The following PRKCI variants were observed in gnomAD, a reference collection of about 807,000 sequenced individuals.
PRKCI encodes the protein protein kinase C iota.
A neutral mutation model predicts 84.0 loss-of-function variants in PRKCI; 43 were observed. The ratio of observed to expected loss-of-function variants is 0.51; its 90% CI spans 0.40 to 0.66. The LOEUF (loss-of-function observed/expected upper bound fraction) is 0.66. PRKCI is among the 30% of genes least tolerant of loss of function. The pLI is 0.00. For missense variants in PRKCI, 459 were observed against 745.6 expected (o/e 0.62, Z 4.48); for synonymous variants, 216 against 234.4 (o/e 0.92, Z 0.72).
chr3:170,255,352 G>A (rs911544469), intron 2 of PRKCI, among the ~76,000 whole-genome samples: 3 of 151,942 alleles, frequency 2.0e-5, no homozygotes, highest in East Asian at 1.9e-4. Flanking sequence ...GAGCCACCGC[G>A]CCTGGCTGAG....
chr3:170,302,767 T>C (rs1337851378), intron 17 of PRKCI, among the ~76,000 whole-genome samples: 1 of 152,220 alleles, frequency 6.6e-6, no homozygotes. Context: ...TAAGATTAAC[T>C]GGAATGGTGA....
chr3:170,226,383 A>G (rs978277559), intron 1 of PRKCI, among the ~76,000 whole-genome samples: 1 of 152,194 alleles, frequency 6.6e-6, no homozygotes, highest in African/African-American at 2.4e-5. Context: ...AGTTTGGAGG[A>G]AGAGAAACAG....
chr3:170,274,773 C>T (rs1253889464), intron 7 of PRKCI, among the ~76,000 whole-genome samples: 1 of 151,784 alleles, frequency 6.6e-6, no homozygotes, highest in Non-Finnish European at 1.5e-5. Context: ...CTTGTCTGTT[C>T]TTTACTTGAC....
intron 1 of PRKCI, among the ~76,000 whole-genome samples, chr3:170,224,067 TC>T (rs1273759649): frequency 1.5e-5 from 1 of 67,228 alleles, no homozygotes; most frequent in East Asian, 5.1e-4. Context: ...CCCTCCCCCC[TC>T]CCCCCACCCC....
chr3:170,302,208 A>G (rs576465043), intron 17 of PRKCI, among the ~76,000 whole-genome samples: 1 of 152,148 alleles, frequency 6.6e-6, no homozygotes, highest in East Asian at 1.9e-4. Context: ...CCTGTGCTCC[A>G]CCCTAATTAC....
rs920535587 is a variant in PRKCI, at chr3:170,227,817, T to C, written c.101+5047T>C. Among the ~76,000 whole-genome samples the C allele has an allele frequency of 1.3e-4, 20 of 152,128 alleles. 1 individual carries two copies. The highest frequency in any genetic ancestry group is 4.6e-4 in the African/African-American group (19 of 41,382). ...TGATCAGATTTGCATTTTAGAAAGATAACACTTGAAATTAGTATGGGAGAT... is the reference window on the plus strand; with the variant it reads ...TGATCAGATTTGCATTTTAGAAAGACAACACTTGAAATTAGTATGGGAGAT... On this transcript the variant is annotated intron_variant, in intron 1 of 17. Transcript: ENST00000295797.
intron 1 of PRKCI, among the ~76,000 whole-genome samples, chr3:170,228,243 A>G (rs1732686379): frequency 6.6e-6 from 1 of 152,198 alleles, no homozygotes; most frequent in African/African-American, 2.4e-5. Flanking sequence ...AACAAAAATG[A>G]CACCAGTGGC....
chr3:170,290,718 A>G (rs1439892548), intron 12 of PRKCI, among the ~76,000 whole-genome samples: 2 of 152,024 alleles, frequency 1.3e-5, no homozygotes, highest in Non-Finnish European at 2.9e-5. Flanking sequence ...TTTTGAGGCC[A>G]TGTTGTTGAG....
chr3:170,273,678 G>A (rs1023477174), intron 7 of PRKCI, among the ~76,000 whole-genome samples: 6 of 151,762 alleles, frequency 4.0e-5, no homozygotes, highest in Non-Finnish European at 8.8e-5. Context: ...AGCAGGGTGT[G>A]GTGGCACACT....
chr3:170,234,520 C>A (rs1732894211), intron 1 of PRKCI, among the ~76,000 whole-genome samples: 1 of 152,140 alleles, frequency 6.6e-6, no homozygotes, highest in African/African-American at 2.4e-5. Context: ...TCCAGTGTAA[C>A]TAATTTTTTC....
chr3:170,287,029 G>A (rs570944197), intron 12 of PRKCI, among the ~76,000 whole-genome samples: 1 of 151,990 alleles, frequency 6.6e-6, no homozygotes, highest in East Asian at 1.9e-4. Context: ...CACCACGCCC[G>A]ACTGAAGATA....
At chr3:170,238,502 T>C (rs1351133878) in intron 2 of PRKCI, among the ~76,000 whole-genome samples, 2 of 151,758 alleles carry the variant, frequency 1.3e-5, no homozygotes, top group Non-Finnish European at 2.9e-5. Context: ...TTACATATTA[T>C]AGATGTTTCA....
At chr3:170,245,333 C>T (rs1733248180) in intron 2 of PRKCI, among the ~76,000 whole-genome samples, 1 of 152,022 alleles carries the variant, frequency 6.6e-6, no homozygotes. Flanking sequence ...CTACGGGGGT[C>T]TGTGCTAACT....
chr3:170,297,409 TTACTC>T lies in PRKCI; in HGVS notation c.1587+17_1587+21del. 1 of 1,580,372 alleles carries T rather than the reference TTACTC, an allele frequency of 6.3e-7. No individual in the cohort carries two copies. Among genetic ancestry groups the T allele is most frequent in the Middle Eastern group, 1.7e-4 (1 of 5,748 alleles). ...TTGGGATATGGTATGTAAATTTTGATTACTCAACTATTAGGTTTCATTATTATCTT... is the reference window on the plus strand; with the variant it reads ...TTGGGATATGGTATGTAAATTTTGATAACTATTAGGTTTCATTATTATCTT... On this transcript the variant is annotated intron_variant, in intron 16 of 17. Transcript: ENST00000295797.
chr3:170,304,964 ACT>A lies in PRKCI; in HGVS notation c.*1842_*1843del, dbSNP rs1734919341. 6.6e-6 allele frequency: 1 copy of A among 152,066 alleles called. No individual in the cohort carries two copies. The highest frequency in any genetic ancestry group is 6.6e-5 in the Admixed American group (1 of 15,246). The allele number at this position is 152,066 out of a possible 1,614,324, so 9.4% of individuals were successfully genotyped here. A position where few individuals can be genotyped will look rare whatever the true frequency, so the allele number is the denominator to read the frequency against. ...ATTTTTCCAAAGTTTCTAGCTATAT[ACT>A]CTCTTTCCTTCAAATAACATAAGTC... On this transcript the variant is annotated 3_prime_UTR_variant, in exon 18 of 18. Transcript: ENST00000295797.
At chr3:170,300,832 A>G (rs1360943557) in intron 17 of PRKCI, among the ~76,000 whole-genome samples, 2 of 152,082 alleles carry the variant, frequency 1.3e-5, no homozygotes, top group Non-Finnish European at 2.9e-5. Context: ...AATGTAAAGC[A>G]TTTGGTACTC....
At chr3:170,276,438 CTT>C (rs1385703432) in intron 8 of PRKCI, among the ~76,000 whole-genome samples, 1 of 151,114 alleles carries the variant, frequency 6.6e-6, no homozygotes, top group African/African-American at 2.4e-5. Flanking sequence ...CTGAAAAAGT[CTT>C]TTTTTCTTTT....
chr3:170,231,942 C>T (rs1265426961), intron 1 of PRKCI, among the ~76,000 whole-genome samples: 1 of 152,116 alleles, frequency 6.6e-6, no homozygotes, highest in African/African-American at 2.4e-5. Context: ...TGGCTCACGC[C>T]TGTAATTGTG....
At chr3:170,297,707 C>T (rs1056378128) in intron 16 of PRKCI, among the ~76,000 whole-genome samples, 11 of 151,772 alleles carry the variant, frequency 7.2e-5, no homozygotes, top group African/African-American at 2.2e-4. Context: ...ACACCCACCT[C>T]GGCCTCCCAA....
Sources: allele counts gnomAD v4.1 joint callset (sites outside exome capture counted in the v4.1 genomes callset), GRCh38; gene constraint gnomAD v4.1.1; transcripts MANE v1.5; gene names NCBI Gene and HGNC (gene_info 2026-07-23, HGNC 2026-07-21).